CDH12: variants seen among roughly 807,000 people sequenced by gnomAD.
The protein encoded by CDH12 is cadherin 12.
In CDH12, 41 loss-of-function variants were observed where a neutral mutation model predicts 74.1. The ratio of observed to expected loss-of-function variants is 0.55; its 90% CI spans 0.43 to 0.72. The LOEUF is 0.72. Among genes scored for constraint, CDH12 ranks in the 30% least tolerant of loss-of-function variants. The pLI is 0.00. For synonymous variants in CDH12, 399 were observed against 355.0 expected (o/e 1.12, Z -1.39); for missense variants, 945 against 977.2 (o/e 0.97, Z 0.44).
chr5:22,099,909 T>C (rs1744038123), intron 4 of CDH12, among the ~76,000 whole-genome samples: 2 of 152,144 alleles, frequency 1.3e-5, no homozygotes, highest in African/African-American at 4.8e-5. Context: ...CCAATAATTC[T>C]AAATGACAAA....
intron 1 of CDH12, among the ~76,000 whole-genome samples, chr5:22,740,990 C>T (rs928716458): frequency 1.1e-4 from 17 of 152,028 alleles, no homozygotes; most frequent in African/African-American, 3.9e-4. Context: ...TTTCAAGTGC[C>T]TTCTCTATTC....
At chr5:22,592,256 A>G (rs1247992072) in intron 1 of CDH12, among the ~76,000 whole-genome samples, 1 of 152,146 alleles carries the variant, frequency 6.6e-6, no homozygotes, top group Non-Finnish European at 1.5e-5. Context: ...ATAATTCTCA[A>G]GCTCCTCTTT....
intron 3 of CDH12, among the ~76,000 whole-genome samples, chr5:22,325,467 T>C (rs1036192893): frequency 1.3e-5 from 2 of 152,174 alleles, no homozygotes; most frequent in African/African-American, 4.8e-5. Context: ...ATTTATGTGT[T>C]ATATCACATT....
At chr5:22,835,605 T>G (rs1048265708) in intron 1 of CDH12, among the ~76,000 whole-genome samples, 3 of 152,194 alleles carry the variant, frequency 2.0e-5, no homozygotes, top group Non-Finnish European at 4.4e-5. Flanking sequence ...ATCTTAGAAT[T>G]TTTCTATGGT....
chr5:22,116,624 A>G (rs918363047), intron 4 of CDH12, among the ~76,000 whole-genome samples: 2 of 151,692 alleles, frequency 1.3e-5, no homozygotes, highest in Non-Finnish European at 1.5e-5. Context: ...AAAAAAAACA[A>G]TCCAAGCCCC....
rs138649725 is a variant in CDH12 at position 22,118,445 on chromosome 5, C to T, written c.-186-39583G>A. ...TACAATAACCTCTTGTGACTCTGGCCTAGACTGCTATACACCACTTCATGA... is the reference window on the plus strand; with the variant it reads ...TACAATAACCTCTTGTGACTCTGGCTTAGACTGCTATACACCACTTCATGA... On this transcript the variant is annotated intron_variant, in intron 4 of 14. Coordinates refer to ENST00000382254, the MANE Select transcript of CDH12 (RefSeq NM_004061.5). Among the ~76,000 whole-genome samples the T allele has an allele frequency of 3.2e-3, 491 of 152,126 alleles. 9 individuals are homozygous for T. Among genetic ancestry groups the T allele is most frequent in the African/African-American group, 0.011 (477 of 41,540 alleles).
At chr5:22,802,342 C>G (rs1581014797) in intron 1 of CDH12, among the ~76,000 whole-genome samples, 1 of 151,796 alleles carries the variant, frequency 6.6e-6, no homozygotes, top group South Asian at 2.1e-4. Flanking sequence ...GGATGGTCTC[C>G]ATCTCCTGAC....
chr5:22,735,453 A>C (rs1387389694), intron 1 of CDH12, among the ~76,000 whole-genome samples: 1 of 151,870 alleles, frequency 6.6e-6, no homozygotes, highest in Non-Finnish European at 1.5e-5. Context: ...TATAGGGAAA[A>C]TGTGCTGCTT....
intron 3 of CDH12, among the ~76,000 whole-genome samples, chr5:22,318,266 G>C (rs1296415227): frequency 6.6e-6 from 1 of 152,130 alleles, no homozygotes; most frequent in Non-Finnish European, 1.5e-5. Flanking sequence ...AATCTACAGA[G>C]ACATCACATG....
intron 14 of CDH12, 42 bp downstream of exon 14, chr5:21,755,549 G>A (rs373806030): frequency 3.8e-6 from 6 of 1,578,882 alleles, no homozygotes; most frequent in Non-Finnish European, 5.2e-6. Context: ...AAAAGGAAGA[G>A]AGAGCGAGAA....
chr5:22,837,783 G>T (rs1736898571), intron 1 of CDH12, among the ~76,000 whole-genome samples: 1 of 152,102 alleles, frequency 6.6e-6, no homozygotes, highest in South Asian at 2.1e-4. Context: ...ACTATACTTA[G>T]CTGTTGAGTC....
chr5:21,951,773 T>C (rs1006566093), intron 6 of CDH12, among the ~76,000 whole-genome samples: 1 of 152,202 alleles, frequency 6.6e-6, no homozygotes, highest in African/African-American at 2.4e-5. Context: ...ATTATGCAAA[T>C]AAAGGTGCAT....
At chr5:22,537,146 A>G (rs939993155) in intron 1 of CDH12, among the ~76,000 whole-genome samples, 2 of 152,190 alleles carry the variant, frequency 1.3e-5, no homozygotes, top group South Asian at 2.1e-4. Context: ...TTTTAGTAAT[A>G]TGCACATCAA....
intron 2 of CDH12, among the ~76,000 whole-genome samples, chr5:22,501,756 A>G (rs1736158154): frequency 6.6e-6 from 1 of 151,640 alleles, no homozygotes; most frequent in Non-Finnish European, 1.5e-5. Flanking sequence ...TAAAAAAAAA[A>G]AAAAACAGAT....
intron 4 of CDH12, among the ~76,000 whole-genome samples, chr5:22,107,312 A>T (rs543108331): frequency 6.6e-6 from 1 of 151,412 alleles, no homozygotes; most frequent in South Asian, 2.1e-4. Flanking sequence ...TTTTATTTTT[A>T]GTAGAGATAG....
At chr5:22,118,717 C>G (rs959276425) in intron 4 of CDH12, among the ~76,000 whole-genome samples, 26 of 152,124 alleles carry the variant, frequency 1.7e-4, no homozygotes, top group Non-Finnish European at 1.5e-5. Context: ...CCCTCTTTCT[C>G]TCAATTATGC....
chr5:22,141,055 A>G (rs1746763013), intron 4 of CDH12: 1 of 152,110 alleles, frequency 6.6e-6, no homozygotes, highest in African/African-American at 2.4e-5. Context: ...ATCCATTATC[A>G]TACTTCTCAA....
At position 21,987,011 on chromosome 5, in the gene CDH12, A is replaced by G. The variant is rs1257758761; in HGVS notation, c.232-11626T>C. Among the ~76,000 whole-genome samples, 6 of 152,010 alleles carry G rather than the reference A, an allele frequency of 3.9e-5. No individual in the cohort carries two copies. The East Asian group carries it at 1.2e-3, about 29-fold the overall frequency. On this transcript the variant is annotated intron_variant, in intron 5 of 14. Coordinates refer to ENST00000382254, the MANE Select transcript of CDH12 (RefSeq NM_004061.5). ...ATGTCCTACACTAATTTATTTGCATATGCACTTAATAATCCCAATAAAGCA... is the reference window on the plus strand; with the variant it reads ...ATGTCCTACACTAATTTATTTGCATGTGCACTTAATAATCCCAATAAAGCA...
chr5:21,754,195 A>T (rs1011116609), intron 14 of CDH12, among the ~76,000 whole-genome samples: 3 of 152,028 alleles, frequency 2.0e-5, no homozygotes, highest in African/African-American at 7.2e-5. Context: ...AGTCTTTTTC[A>T]TTACAGGCAT....
Sources: allele counts gnomAD v4.1 joint callset (sites outside exome capture counted in the v4.1 genomes callset), GRCh38; gene constraint gnomAD v4.1.1; transcripts MANE v1.5; gene names NCBI Gene and HGNC (gene_info 2026-07-23, HGNC 2026-07-21).